The following CEP152 variants were observed in gnomAD, a reference collection of about 807,000 sequenced individuals.
The protein encoded by CEP152 is centrosomal protein 152.
CEP152 carries 132 observed loss-of-function variants against 188.9 expected under a neutral mutation model. That is an observed-to-expected ratio of 0.70 (90% confidence interval 0.61 to 0.81). The LOEUF is 0.81. CEP152 is among the 30% of genes least tolerant of loss of function. The probability of loss-of-function intolerance (pLI) is 0.00; values close to 1 mark genes in which losing one functional copy is unlikely to be tolerated. For synonymous variants in CEP152, 649 were observed against 666.6 expected, an observed-to-expected ratio of 0.97 and a Z score of 0.41; for missense variants, 1,914 against 1,969.8, an observed-to-expected ratio of 0.97 and a Z score of 0.54.
At chr15:48,800,822 C>T (rs1897623342) in intron 2 of CEP152, among the ~76,000 whole-genome samples, 1 of 152,072 alleles carries the variant, frequency 6.6e-6, no homozygotes, top group South Asian at 2.1e-4. Context: ...TATAAACTCC[C>T]CTCCTTTTCT....
chr15:48,792,782 G>C (rs1024493420), intron 7 of CEP152, among the ~76,000 whole-genome samples: 5 of 150,302 alleles, frequency 3.3e-5, no homozygotes, highest in Non-Finnish European at 7.4e-5. Flanking sequence ...AAGCCTAAGT[G>C]AGAAAAGGGA....
intron 2 of CEP152, among the ~76,000 whole-genome samples, chr15:48,801,118 C>A (rs926476946): frequency 6.6e-6 from 1 of 152,156 alleles, no homozygotes; most frequent in African/African-American, 2.4e-5. Flanking sequence ...AAATGGAATA[C>A]CTAACGGTCA....
chr15:48,787,163 G>GTTTTTTGTTTTTTTTTTTTTTTTTTTT (rs71120640), intron 9 of CEP152, among the ~76,000 whole-genome samples: 1 of 101,500 alleles, frequency 9.9e-6, no homozygotes, highest in African/African-American at 3.7e-5. Flanking sequence ...TATAGCCTTC[G>GTTTTTTGTTTTTTTTTTTTTTTTTTTT]TTTTTTTTTT....
At chr15:48,735,692 G>A (rs563349051), downstream of CEP152, among the ~76,000 whole-genome samples, 2 of 152,022 alleles carry the variant, frequency 1.3e-5, no homozygotes, top group African/African-American at 4.8e-5. Flanking sequence ...CCAAGATCGC[G>A]CCACTTCACT....
chr15:48,768,145 T>C (rs1374881564), intron 15 of CEP152, 74 bp downstream of exon 15: 7 of 868,850 alleles, frequency 8.1e-6, no homozygotes, highest in Admixed American at 7.1e-5. Context: ...AATCTTTTTG[T>C]CACAGGGAAG....
rs144510276 is a variant in CEP152, at chr15:48,758,901, A to G, written c.2694+1234T>C. On this transcript the variant is annotated intron_variant, in intron 19 of 26. Transcript: ENST00000380950. ...TCATTTCTATATGTCTGCTTTCACA[A>G]ACATACAGCCTTCTATGTTCTTATG... 1.1e-3 allele frequency among the ~76,000 whole-genome samples: 166 copies of G among 152,194 alleles called. 1 individual carries two copies. The highest frequency in any genetic ancestry group is 3.9e-3 in the African/African-American group (161 of 41,530).
At chr15:48,799,578 G>A (rs1236124410) in intron 2 of CEP152, among the ~76,000 whole-genome samples, 3 of 152,020 alleles carry the variant, frequency 2.0e-5, no homozygotes, top group South Asian at 2.1e-4. Flanking sequence ...ATCTTTTAAC[G>A]CTAACATTAA....
At chr15:48,786,604 G>A (rs1465753765) in intron 9 of CEP152, among the ~76,000 whole-genome samples, 1 of 152,110 alleles carries the variant, frequency 6.6e-6, no homozygotes, top group Admixed American at 6.5e-5. Flanking sequence ...GCTTCTGTTA[G>A]GCGCTTTGGA....
In CEP152 at chr15:48,796,074, G is replaced by A; in HGVS notation, c.627C>T (p.Ala209=). The change falls in exon 6 of 27, where the codon GCC becomes GCT. Residue 209 remains alanine, a synonymous_variant. Coordinates refer to ENST00000380950, the MANE Select transcript of CEP152 (RefSeq NM_001194998.2). ...ATGTGTCACTTCCTGTTATCTCCTG[G>A]GCTGGTGAGCCATTATTCTGGGCAG... ...QSSAQNNGSP[A]QEITGSDTFE... 6.2e-7 allele frequency: 1 copy of A among 1,613,606 alleles called. No individual in the cohort carries two copies. Among genetic ancestry groups the A allele is most frequent in the South Asian group, 1.1e-5 (1 of 91,058 alleles).
rs752151302 is a variant in CEP152 at position 48,738,659 on chromosome 15, G to T, written c.4723C>A (p.Pro1575Thr). Residue 1575 changes from proline (P) to threonine (T), a missense_variant, in exon 27 of 27, where the codon CCT (proline) becomes ACT (threonine). By Grantham distance (38) the Pro-to-Thr change is conservative (BLOSUM62 -1). Transcript: ENST00000380950. ...AAGGATAAGGTTGCACTGCTGGAAG[G>T]CCAGCCCAAGCAGTCACTAAGGTCC... ...GGDLSDCLGW[P>T]SSSATLSFDS... is the part of the protein sequence containing the mutation. 6.2e-7 allele frequency: 1 copy of T among 1,614,198 alleles called. No homozygotes were observed. Among genetic ancestry groups the T allele is most frequent in the Non-Finnish European group, 8.5e-7 (1 of 1,180,036 alleles).
chr15:48,760,100 A>C, intron 19 of CEP152, 35 bp downstream of exon 19: 2 of 1,613,456 alleles, frequency 1.2e-6, no homozygotes. Context: ...CAGGTAAGAC[A>C]GCCTCCTGAA....
In CEP152 at chr15:48,772,521, T is replaced by G. The variant is rs1300385984; in HGVS notation, c.1748A>C (p.Gln583Pro). The change falls in exon 13 of 27, where the codon CAA becomes CCA. Residue 583 changes from glutamine to proline, a missense_variant. Physicochemically the swap from Gln to Pro is moderately conservative, Grantham distance 76 (BLOSUM62 -1). Transcript: ENST00000380950. ...AATGCTTTTTTCATCCTTCTTCACT[T>G]GGTGGAGATCTTCAATTTTCTTATG... ...DCHKKIEDLH[Q>P]VKKDEKSIEV... 1 of 1,613,574 alleles carries G rather than the reference T, an allele frequency of 6.2e-7. No individual in the cohort carries two copies. The highest frequency in any genetic ancestry group is 8.5e-7 in the Non-Finnish European group (1 of 1,180,018).
chr15:48,799,964 A>G (rs2140915206), intron 2 of CEP152, among the ~76,000 whole-genome samples: 1 of 152,354 alleles, frequency 6.6e-6, no homozygotes, highest in South Asian at 2.1e-4. Context: ...TCCTGAACAG[A>G]AAGAATATTT....
At chr15:48,752,320 A>C (rs1893930088) in intron 21 of CEP152, 29 bp downstream of exon 21, 1 of 1,613,934 alleles carries the variant, frequency 6.2e-7, no homozygotes, top group Admixed American at 1.7e-5. Context: ...TGGATGCTAC[A>C]AAGACTGGTG....
chr15:48,803,339 T>C (rs1319069357), intron 2 of CEP152, among the ~76,000 whole-genome samples: 2 of 152,154 alleles, frequency 1.3e-5, no homozygotes, highest in South Asian at 2.1e-4. Context: ...CTTCTAGATA[T>C]GCATTCAAGC....
At chr15:48,782,895 G>A (rs1407255219) in intron 10 of CEP152, among the ~76,000 whole-genome samples, 1 of 152,130 alleles carries the variant, frequency 6.6e-6, no homozygotes. Flanking sequence ...ACCAAGTAAT[G>A]CCAAATGAAA....
chr15:48,809,323 T>C (rs1325370045), intron 1 of CEP152, among the ~76,000 whole-genome samples: 1 of 152,184 alleles, frequency 6.6e-6, no homozygotes, highest in Non-Finnish European at 1.5e-5. Context: ...TAGATGCACC[T>C]AAGACATGGT....
intron 24 of CEP152, among the ~76,000 whole-genome samples, chr15:48,743,239 C>G: frequency 6.6e-6 from 1 of 152,176 alleles, no homozygotes; most frequent in East Asian, 1.9e-4. Flanking sequence ...AACATCTACA[C>G]GTGATTCTGA....
intron 19 of CEP152, 61 bp from the exon 20 acceptor site, chr15:48,756,614 A>T: frequency 6.6e-7 from 1 of 1,523,752 alleles, no homozygotes; most frequent in East Asian, 2.3e-5. Context: ...TCGCAAAAAA[A>T]TTAAGGTAAC....
Sources: gnomAD v4.1 joint callset for allele counts (sites outside exome capture counted in the v4.1 genomes callset) on GRCh38, gnomAD v4.1.1 for gene constraint, MANE v1.5 for transcripts, NCBI Gene and HGNC (gene_info 2026-07-23, HGNC 2026-07-21) for gene names.